SREBF2: variants seen among roughly 807,000 people sequenced by gnomAD.
SREBF2 encodes the protein sterol regulatory element-binding protein 2.
A neutral mutation model predicts 113.1 loss-of-function variants in SREBF2; 55 were observed. That is an observed-to-expected ratio of 0.49 (90% CI 0.39 to 0.61). The LOEUF is 0.61. Ranked by LOEUF, SREBF2 falls within the 20% of genes least tolerant of loss-of-function variation. The pLI is 0.00. For missense variants in SREBF2, 1,349 were observed against 1,487.4 expected (o/e 0.91, Z 1.53); for synonymous variants, 593 against 605.7 (o/e 0.98, Z 0.31).
chr22:41,886,020 TTCAC>T (rs2077295973), intron 11 of SREBF2: 2 of 152,246 alleles, frequency 1.3e-5, no homozygotes. Flanking sequence ...CATCCCTTGA[TTCAC>T]TCATTCAGCA....
intron 1 of SREBF2, among the ~76,000 whole-genome samples, chr22:41,861,737 A>G (rs1045837933): frequency 1.3e-5 from 2 of 152,124 alleles, no homozygotes; most frequent in Non-Finnish European, 2.9e-5. Flanking sequence ...AGCCTGGCCA[A>G]CATGGTGAAA....
intron 11 of SREBF2, among the ~76,000 whole-genome samples, chr22:41,890,531 T>C (rs1197466391): frequency 6.6e-6 from 1 of 152,226 alleles, no homozygotes; most frequent in African/African-American, 2.4e-5. Context: ...TGAGTGGCTC[T>C]CAGGATCTAA....
At chr22:41,876,604 G>A (rs2077199852) in intron 7 of SREBF2, among the ~76,000 whole-genome samples, 1 of 152,174 alleles carries the variant, frequency 6.6e-6, no homozygotes, top group South Asian at 2.1e-4. Context: ...AGTGGGGTGG[G>A]TGTAGACAAT....
intron 15 of SREBF2, 90 bp downstream of exon 15, chr22:41,898,871 T>G: frequency 1.3e-6 from 2 of 1,556,766 alleles, no homozygotes; most frequent in Non-Finnish European, 1.7e-6. Flanking sequence ...GTGGGCGTGT[T>G]GGGGTGAAGG....
chr22:41,868,892 G>A (rs1216085341), intron 3 of SREBF2, 100 bp downstream of exon 3: 1 of 1,480,238 alleles, frequency 6.8e-7, no homozygotes. Flanking sequence ...CAACCAGAGT[G>A]TACACAAAGC....
Position 41,898,800 on chromosome 22 carries a change from C to T in SREBF2, c.2738+19C>T. On this transcript the variant is annotated intron_variant, in intron 15 of 18. Coordinates refer to ENST00000361204, the MANE Select transcript of SREBF2 (RefSeq NM_004599.4). ...TGACAGAGTGCGTAACCCTCCTTGGCCACTCACTTGCTTCTCTCCAGGGGA... is the reference window on the plus strand; with the variant it reads ...TGACAGAGTGCGTAACCCTCCTTGGTCACTCACTTGCTTCTCTCCAGGGGA... 1 of 1,613,416 alleles carries T rather than the reference C, an allele frequency of 6.2e-7. No individual in the cohort carries two copies. Among genetic ancestry groups the T allele is most frequent in the African/African-American group, 1.3e-5 (1 of 75,038 alleles).
At chr22:41,843,333 T>C (rs2076846065) in intron 1 of SREBF2, among the ~76,000 whole-genome samples, 4 of 152,256 alleles carry the variant, frequency 2.6e-5, no homozygotes, top group Non-Finnish European at 4.4e-5. Flanking sequence ...TTCAAAACTT[T>C]ATGTAGGCCT....
intron 1 of SREBF2, among the ~76,000 whole-genome samples, chr22:41,849,727 G>A (rs1002019289): frequency 1.3e-5 from 2 of 152,132 alleles, no homozygotes; most frequent in Non-Finnish European, 2.9e-5. Flanking sequence ...GGATAGGAAG[G>A]TATACTTGTA....
intron 18 of SREBF2, 42 bp from the exon 19 acceptor site, chr22:41,905,398 C>G: frequency 2.0e-6 from 3 of 1,530,480 alleles, no homozygotes; most frequent in Non-Finnish European, 2.6e-6. Context: ...GCACCAACTT[C>G]ATGGTAGATT....
intron 1 of SREBF2, among the ~76,000 whole-genome samples, chr22:41,854,988 G>A (rs10222269): frequency 0.031 from 4,737 of 150,486 alleles, 97 homozygotes; most frequent in Non-Finnish European, 0.047. Context: ...TTAGCCTCCC[G>A]TGTAGCTGGA....
intron 12 of SREBF2, 73 bp downstream of exon 12, chr22:41,893,358 C>A: frequency 6.6e-7 from 1 of 1,512,288 alleles, no homozygotes; most frequent in Non-Finnish European, 9.2e-7. Context: ...GTCACTGCAC[C>A]AGACACGCGG....
intron 7 of SREBF2, 94 bp downstream of exon 7, chr22:41,875,818 G>A (rs2077192711): frequency 1.5e-6 from 2 of 1,373,936 alleles, no homozygotes; most frequent in Admixed American, 1.7e-5. Context: ...CAGGCCGCAT[G>A]TTAAGAGGGC....
At chr22:41,893,417 T>C in intron 12 of SREBF2, 132 bp downstream of exon 12, 2 of 1,064,924 alleles carry the variant, frequency 1.9e-6, no homozygotes, top group South Asian at 2.7e-5. Context: ...TTTGTTTGTT[T>C]GTTTGTTTGT....
intron 11 of SREBF2, among the ~76,000 whole-genome samples, chr22:41,887,398 A>T (rs533503018): frequency 6.6e-6 from 1 of 152,106 alleles, no homozygotes; most frequent in Non-Finnish European, 1.5e-5. Flanking sequence ...CCCTTCCCCC[A>T]AGCCTTCCAG....
At chr22:41,840,671 T>C (rs778161043) in intron 1 of SREBF2, among the ~76,000 whole-genome samples, 4 of 152,252 alleles carry the variant, frequency 2.6e-5, no homozygotes, top group Non-Finnish European at 4.4e-5. Context: ...TTGCTTCTAG[T>C]AGAGAAATCT....
intron 4 of SREBF2, among the ~76,000 whole-genome samples, chr22:41,871,937 T>TG (rs2077147735): frequency 7.0e-6 from 1 of 143,862 alleles, no homozygotes; most frequent in Non-Finnish European, 1.5e-5. Flanking sequence ...TGAAACAACA[T>TG]GGGGCTGTCC....
chr22:41,890,898 ACT>A (rs962370534), intron 11 of SREBF2, among the ~76,000 whole-genome samples: 3 of 151,426 alleles, frequency 2.0e-5, no homozygotes, highest in Non-Finnish European at 4.4e-5. Context: ...ACAGAGCAAG[ACT>A]CTGTCTTTAA....
In SREBF2 at chr22:41,833,596, G is replaced by C; in HGVS notation, c.88+238G>C. 2 of 416,008 alleles carry C rather than the reference G, an allele frequency of 4.8e-6. No homozygotes were observed. The highest frequency in any genetic ancestry group is 8.4e-6 in the Non-Finnish European group (2 of 237,710). The allele number at this position is 416,008 out of a possible 1,614,324, so 25.8% of individuals were successfully genotyped here. A position where few individuals can be genotyped will look rare whatever the true frequency, so the allele number is the denominator to read the frequency against. ...GGCGCCGCGGGGCCGAAAGCGGCGC[G>C]AGGGTCGCGGGTTCCAGAGCGCGGG... On this transcript the variant is annotated intron_variant, in intron 1 of 18. Transcript: ENST00000361204. This position sits in a 1 kb window ranked among gnomAD's most constrained non-coding sequence, Gnocchi z 4.1.
intron 4 of SREBF2, among the ~76,000 whole-genome samples, chr22:41,873,466 A>T (rs560082563): frequency 6.6e-6 from 1 of 152,278 alleles, no homozygotes; most frequent in South Asian, 2.1e-4. Context: ...ACCGTGTACA[A>T]CTTTAGAAGT....
Sources: allele counts gnomAD v4.1 joint callset (sites outside exome capture counted in the v4.1 genomes callset), GRCh38; gene constraint gnomAD v4.1.1; non-coding constraint Gnocchi (gnomAD v3.1); transcripts MANE v1.5; gene names NCBI Gene and HGNC (gene_info 2026-07-23, HGNC 2026-07-21).